Variants in HDAC9 observed in about 807,000 individuals in gnomAD.
HDAC9 encodes the protein MEF-2 interacting transcription repressor (MITR) protein.
Under a neutral mutation model 139.4 loss-of-function variants are expected in HDAC9, and 41 were observed. That is an observed-to-expected ratio of 0.29 (90% confidence interval 0.23 to 0.38). HDAC9 has a LOEUF of 0.38. HDAC9 is among the 10% of genes least tolerant of loss of function. The pLI, the probability that HDAC9 is intolerant of heterozygous loss-of-function variation, is 1.00. For synonymous variants in HDAC9, 517 were observed against 476.2 expected, an observed-to-expected ratio of 1.09 and a Z score of -1.12; for missense variants, 1,147 against 1,297.0, an observed-to-expected ratio of 0.88 and a Z score of 1.78.
intron 6 of HDAC9, among the ~76,000 whole-genome samples, chr7:18,603,002 G>T (rs1377598811): frequency 6.6e-6 from 1 of 152,036 alleles, no homozygotes; most frequent in Non-Finnish European, 1.5e-5. Context: ...ACATATTAAG[G>T]ATTGTTATAT....
intron 2 of HDAC9, among the ~76,000 whole-genome samples, chr7:18,254,675 A>G (rs541619950): frequency 2.7e-4 from 41 of 152,326 alleles, no homozygotes; most frequent in Middle Eastern, 3.4e-3. Context: ...GAGGTAGAAC[A>G]TATGTTCTTT....
At chr7:18,845,185 A>C (rs554215956) in intron 21 of HDAC9, among the ~76,000 whole-genome samples, 2 of 152,300 alleles carry the variant, frequency 1.3e-5, no homozygotes, top group South Asian at 4.1e-4. Flanking sequence ...GTAGAATAAA[A>C]AAATTAATAT....
At chr7:18,636,154 A>G (rs1211455951) in intron 8 of HDAC9, among the ~76,000 whole-genome samples, 1 of 152,080 alleles carries the variant, frequency 6.6e-6, no homozygotes, top group Non-Finnish European at 1.5e-5. Flanking sequence ...CTCAAGAGAT[A>G]GAAGATAAAG....
chr7:18,455,716 GT>G (rs1243962697), intron 1 of HDAC9, among the ~76,000 whole-genome samples: 1 of 152,116 alleles, frequency 6.6e-6, no homozygotes, highest in African/African-American at 2.4e-5. Context: ...GCACAGTTGG[GT>G]CACAAATTAT....
At chr7:18,911,148 CTT>C (rs751788140) in intron 22 of HDAC9, among the ~76,000 whole-genome samples, 26 of 129,324 alleles carry the variant, frequency 2.0e-4, no homozygotes, top group African/African-American at 5.9e-4. Flanking sequence ...TCTGTTCAGG[CTT>C]TTTTTTTTTT....
At chr7:18,266,318 C>G (rs1410963187) in intron 2 of HDAC9, among the ~76,000 whole-genome samples, 1 of 152,134 alleles carries the variant, frequency 6.6e-6, no homozygotes, top group Non-Finnish European at 1.5e-5. Context: ...CAGTTATTTT[C>G]CTTACCGTGA....
At chr7:18,153,192 A>G (rs1409231903) in intron 1 of HDAC9, among the ~76,000 whole-genome samples, 1 of 152,218 alleles carries the variant, frequency 6.6e-6, no homozygotes, top group Non-Finnish European at 1.5e-5. Flanking sequence ...AAAGAGGGTC[A>G]CAGATGTGTT....
intron 6 of HDAC9, among the ~76,000 whole-genome samples, chr7:18,620,054 G>A (rs1215672728): frequency 6.6e-6 from 1 of 152,112 alleles, no homozygotes; most frequent in African/African-American, 2.4e-5. Context: ...TTTTCTCTGG[G>A]GGAGTTGCCT....
At chr7:18,761,422 TGTCA>T (rs1264130412) in intron 14 of HDAC9, among the ~76,000 whole-genome samples, 2 of 152,212 alleles carry the variant, frequency 1.3e-5, no homozygotes, top group East Asian at 3.8e-4. Context: ...ATTTCCAATC[TGTCA>T]GAGACTAATA....
In HDAC9 at chr7:18,919,453, A is replaced by G. The variant is rs577631740; in HGVS notation, c.2804-16356A>G. ...CATTCTAGAATTAACAAGCAGTTAC[A>G]TAAGTCTTACAATGTTAGGCACTTT... On this transcript the variant is annotated intron_variant, in intron 22 of 25. Coordinates refer to ENST00000686413, the MANE Select transcript of HDAC9 (RefSeq NM_178425.4). Among the ~76,000 whole-genome samples the G allele has an allele frequency of 3.3e-5, 5 of 152,204 alleles. No individual in the cohort carries two copies. The East Asian group carries it at 5.8e-4, about 18-fold the overall frequency.
chr7:18,767,706 T>A (rs1406284007), intron 16 of HDAC9, among the ~76,000 whole-genome samples: 1 of 152,194 alleles, frequency 6.6e-6, no homozygotes, highest in African/African-American at 2.4e-5. Context: ...GACAAATTTG[T>A]TAGAACCCAG....
chr7:18,547,862 T>TTCCTTCCTTCCTA, intron 2 of HDAC9, among the ~76,000 whole-genome samples: 1 of 91,806 alleles, frequency 1.1e-5, no homozygotes, highest in African/African-American at 4.5e-5. Flanking sequence ...CTTCCTACCC[T>TTCCTTCCTTCCTA]CCCTCCCTCC....
At chr7:18,501,406 T>C (rs1191129856) in intron 2 of HDAC9, among the ~76,000 whole-genome samples, 1 of 152,046 alleles carries the variant, frequency 6.6e-6, no homozygotes, top group Non-Finnish European at 1.5e-5. Flanking sequence ...AAAAAAAAGA[T>C]TCAAAGCACT....
At chr7:18,715,869 A>T (rs1237112683) in intron 12 of HDAC9, among the ~76,000 whole-genome samples, 1 of 152,200 alleles carries the variant, frequency 6.6e-6, no homozygotes, top group African/African-American at 2.4e-5. Context: ...AAATTCAGAG[A>T]TGCACACTCT....
At chr7:18,937,874 T>C (rs1293264593) in intron 23 of HDAC9, among the ~76,000 whole-genome samples, 2 of 152,224 alleles carry the variant, frequency 1.3e-5, no homozygotes, top group African/African-American at 4.8e-5. Flanking sequence ...TGCATTCAAA[T>C]GTCTCTATAC....
intron 21 of HDAC9, among the ~76,000 whole-genome samples, chr7:18,836,894 T>G (rs913178552): frequency 6.6e-6 from 1 of 152,042 alleles, no homozygotes; most frequent in Admixed American, 6.6e-5. Flanking sequence ...GAAAAAAACT[T>G]ACATGTGTTC....
intron 22 of HDAC9, among the ~76,000 whole-genome samples, chr7:18,929,934 G>A (rs942584248): frequency 9.8e-5 from 14 of 142,818 alleles, no homozygotes; most frequent in East Asian, 4.6e-4. Flanking sequence ...GCAAGACGCC[G>A]CCTCAAAAAA....
chr7:18,400,387 T>C (rs989411672), intron 1 of HDAC9, among the ~76,000 whole-genome samples: 2 of 152,154 alleles, frequency 1.3e-5, no homozygotes, highest in Non-Finnish European at 2.9e-5. Flanking sequence ...GAAGAGGACA[T>C]GTTTTACTAC....
chr7:18,290,597 C>A (rs1159006368), intron 1 of HDAC9: 7 of 454,672 alleles, frequency 1.5e-5, no homozygotes, highest in South Asian at 1.1e-4. Flanking sequence ...CTCTGCAAAT[C>A]GTCTTTAATA....
Sources: allele counts gnomAD v4.1 joint callset (sites outside exome capture counted in the v4.1 genomes callset), GRCh38; gene constraint gnomAD v4.1.1; transcripts MANE v1.5; gene names NCBI Gene and HGNC (gene_info 2026-07-23, HGNC 2026-07-21).